The following DPF3 variants were observed in gnomAD, a reference collection of about 807,000 sequenced individuals.
DPF3 encodes the protein double PHD fingers 3.
In DPF3, 18 loss-of-function variants were observed where a neutral mutation model predicts 56.8. That is an observed-to-expected ratio of 0.32 (90% CI 0.22 to 0.47). The LOEUF is 0.47. DPF3 is among the 20% of genes least tolerant of loss of function. DPF3 has a pLI of 1.00. For missense variants in DPF3, 403 were observed against 488.8 expected (o/e 0.82, Z 1.65); for synonymous variants, 188 against 180.2 (o/e 1.04, Z -0.35).
At chr14:72,693,245 T>C (rs1487027652) in intron 6 of DPF3, 32 bp from the exon 7 acceptor site, 2 of 1,610,412 alleles carry the variant, frequency 1.2e-6, no homozygotes, top group African/African-American at 2.7e-5. Context: ...AAGGGAGAGA[T>C]ACAAATATTA....
intron 8 of DPF3, among the ~76,000 whole-genome samples, chr14:72,668,710 A>C (rs1444610354): frequency 6.6e-6 from 1 of 152,172 alleles, no homozygotes; most frequent in East Asian, 1.9e-4. Flanking sequence ...GTGTAAAGGC[A>C]AATTGTCATT....
chr14:72,646,703 G>A (rs1052497510), intron 8 of DPF3, among the ~76,000 whole-genome samples: 4 of 152,100 alleles, frequency 2.6e-5, no homozygotes, highest in African/African-American at 9.7e-5. Context: ...TTGCCTCCAT[G>A]CGGAATTTTT....
At chr14:72,760,192 C>T (rs1325541773) in intron 2 of DPF3, among the ~76,000 whole-genome samples, 5 of 152,088 alleles carry the variant, frequency 3.3e-5, no homozygotes, top group African/African-American at 7.2e-5. Context: ...CAATGATGGC[C>T]GGGCGCGGTG....
At chr14:72,765,795 A>T (rs1235691533) in intron 2 of DPF3, among the ~76,000 whole-genome samples, 1 of 152,008 alleles carries the variant, frequency 6.6e-6, no homozygotes, top group Non-Finnish European at 1.5e-5. Flanking sequence ...AAAATACAAA[A>T]ATAATTAGCC....
chr14:72,891,645 TAAC>T (rs1886756633), intron 1 of DPF3, among the ~76,000 whole-genome samples: 1 of 152,138 alleles, frequency 6.6e-6, no homozygotes, highest in Non-Finnish European at 1.5e-5. Flanking sequence ...CCTCTCCCAA[TAAC>T]AACGTGTGTG....
chr14:72,826,033 G>A (rs998298315), intron 1 of DPF3, among the ~76,000 whole-genome samples: 2 of 152,076 alleles, frequency 1.3e-5, no homozygotes, highest in African/African-American at 4.8e-5. Context: ...GGCAGGTTAG[G>A]GACAGTCATT....
At chr14:72,678,644 A>G (rs989402684) in intron 7 of DPF3, among the ~76,000 whole-genome samples, 2 of 152,240 alleles carry the variant, frequency 1.3e-5, no homozygotes, top group Non-Finnish European at 2.9e-5. Context: ...AGACCTTGTA[A>G]GTGGGATTTA....
rs1216559739 is a variant in DPF3, at chr14:72,729,450, A to G, written c.429+2357T>C. ...AGGAAAAGAGGAAGAGTGGAGTCAG[A>G]GAGGGGTGAGAAGGCCCTGAATTTC... On this transcript the variant is annotated intron_variant, in intron 4 of 10. Transcript: ENST00000556509. 2.0e-5 allele frequency among the ~76,000 whole-genome samples: 3 copies of G among 152,156 alleles called. No individual in the cohort carries two copies. The East Asian group carries it at 5.8e-4, about 29-fold the overall frequency.
intron 1 of DPF3, among the ~76,000 whole-genome samples, chr14:72,794,337 G>A (rs1892554745): frequency 1.3e-5 from 2 of 152,134 alleles, no homozygotes; most frequent in South Asian, 4.2e-4. Flanking sequence ...TAACTCCCAG[G>A]CAGTATTATC....
chr14:72,701,168 G>A lies in DPF3; in HGVS notation c.605-7955C>T, dbSNP rs1213533061. ...TCTTCCCACTCCAGTCTCCTTCCCC[G>A]GGGGCAAGCGCTTTTGCACCATGCA... On this transcript the variant is annotated intron_variant, in intron 6 of 10. Transcript: ENST00000556509. Among the ~76,000 whole-genome samples the A allele has an allele frequency of 7.9e-5, 12 of 152,246 alleles. No individual in the cohort carries two copies. In the East Asian group the frequency reaches 1.4e-3, roughly 17 times the overall value.
intron 2 of DPF3, among the ~76,000 whole-genome samples, chr14:72,766,844 C>T (rs1018595562): frequency 1.2e-4 from 18 of 152,252 alleles, no homozygotes; most frequent in Middle Eastern, 3.4e-3. Flanking sequence ...CCAAAAAAGA[C>T]CTCAAGAAAA....
chr14:72,825,708 C>A (rs1185257729), intron 1 of DPF3, among the ~76,000 whole-genome samples: 5 of 148,926 alleles, frequency 3.4e-5, no homozygotes, highest in African/African-American at 1.0e-4. Flanking sequence ...CCAGCCCAGC[C>A]CAGCCCAGCC....
intron 4 of DPF3, among the ~76,000 whole-genome samples, chr14:72,729,075 G>A (rs1429022037): frequency 6.6e-5 from 10 of 151,712 alleles, no homozygotes; most frequent in Non-Finnish European, 4.4e-5. Flanking sequence ...TGGTGAATCC[G>A]CGTCTCTACT....
rs1414330431 is a variant in DPF3, at chr14:72,851,417, T to C, written c.32+42640A>G. On this transcript the variant is annotated intron_variant, in intron 1 of 10. Transcript: ENST00000556509. The stretch of plus-strand genomic sequence containing the variant: ...CTTAACTCACACGGCACTATCTGGA[T>C]CTTTCCAGTAAGTAGGTTGCCGTTT... 2.0e-5 allele frequency among the ~76,000 whole-genome samples: 3 copies of C among 152,232 alleles called. No individual in the cohort carries two copies. In the East Asian group the frequency reaches 5.8e-4, roughly 29 times the overall value.
intron 1 of DPF3, among the ~76,000 whole-genome samples, chr14:72,777,565 C>T (rs1223968716): frequency 6.6e-6 from 1 of 152,056 alleles, no homozygotes; most frequent in Admixed American, 6.5e-5. Flanking sequence ...TGATATTTAC[C>T]CCTGCCCAAA....
intron 3 of DPF3, among the ~76,000 whole-genome samples, chr14:72,733,961 G>T (rs1040402729): frequency 6.6e-6 from 1 of 152,138 alleles, no homozygotes; most frequent in Non-Finnish European, 1.5e-5. Flanking sequence ...AAAGTCTTTG[G>T]GATTTTTCCT....
chr14:72,781,203 C>T (rs566407664), intron 1 of DPF3, among the ~76,000 whole-genome samples: 44 of 152,318 alleles, frequency 2.9e-4, no homozygotes, highest in African/African-American at 1.0e-3. Context: ...TTTCAGGCAG[C>T]TGGCATGGAT....
At chr14:72,713,207 C>T (rs1280633525) in intron 6 of DPF3, among the ~76,000 whole-genome samples, 10 of 152,342 alleles carry the variant, frequency 6.6e-5, no homozygotes, top group East Asian at 1.9e-4. Flanking sequence ...GGGGTGGAGA[C>T]GTTACCTGCA....
intron 1 of DPF3, among the ~76,000 whole-genome samples, chr14:72,867,249 C>T (rs1470636612): frequency 6.6e-6 from 1 of 152,106 alleles, no homozygotes; most frequent in Non-Finnish European, 1.5e-5. Flanking sequence ...ATGTTGAGCA[C>T]ATCTATGATG....
Sources: allele counts gnomAD v4.1 joint callset (sites outside exome capture counted in the v4.1 genomes callset), GRCh38; gene constraint gnomAD v4.1.1; transcripts MANE v1.5; gene names NCBI Gene and HGNC (gene_info 2026-07-23, HGNC 2026-07-21).